Variants in MRTFB observed in about 807,000 individuals in gnomAD.
MRTFB encodes the protein myocardin-related transcription factor B.
A neutral mutation model predicts 104.2 loss-of-function variants in MRTFB; 29 were observed. That is an observed-to-expected ratio of 0.28 (90% confidence interval 0.21 to 0.38). The LOEUF is 0.38. Ranked by LOEUF, MRTFB falls within the 10% of genes least tolerant of loss-of-function variation. MRTFB has a pLI of 1.00. For synonymous variants in MRTFB, 535 were observed against 519.5 expected, an observed-to-expected ratio of 1.03 and a Z score of -0.41; for missense variants, 1,270 against 1,341.6, an observed-to-expected ratio of 0.95 and a Z score of 0.83.
intron 3 of MRTFB, among the ~76,000 whole-genome samples, chr16:14,147,878 G>T (rs570972575): frequency 2.6e-5 from 4 of 152,146 alleles, no homozygotes; most frequent in African/African-American, 9.7e-5. Context: ...GATTTAAAAC[G>T]TAATAGTAAT....
At chr16:14,178,573 A>C (rs1012184969) in intron 3 of MRTFB, among the ~76,000 whole-genome samples, 1 of 152,230 alleles carries the variant, frequency 6.6e-6, no homozygotes, top group African/African-American at 2.4e-5. Flanking sequence ...GCAAATGCTT[A>C]ATTCCCACTT....
chr16:14,066,956 C>T, upstream of MRTFB, among the ~76,000 whole-genome samples: 1 of 148,546 alleles, frequency 6.7e-6, no homozygotes, highest in South Asian at 2.1e-4. Flanking sequence ...CAGGAGTGGG[C>T]CACCATGCCT....
At chr16:14,031,354 A>G in the MRTFB span, among the ~76,000 whole-genome samples, 1 of 151,610 alleles carries the variant, frequency 6.6e-6, no homozygotes, top group African/African-American at 2.4e-5. Context: ...AGATTGTGCC[A>G]CTGCGCCCCA....
At chr16:14,035,472 T>C in the MRTFB span, among the ~76,000 whole-genome samples, 2 of 152,330 alleles carry the variant, frequency 1.3e-5, no homozygotes, top group East Asian at 3.9e-4. Flanking sequence ...TGGCTTTTGA[T>C]AGGAGTAGAG....
At chr16:14,168,477 A>T (rs1170523371) in intron 3 of MRTFB, among the ~76,000 whole-genome samples, 1 of 152,214 alleles carries the variant, frequency 6.6e-6, no homozygotes, top group Non-Finnish European at 1.5e-5. Context: ...TTCAAGTTTC[A>T]TATGAATGGA....
intron 2 of MRTFB, among the ~76,000 whole-genome samples, chr16:14,107,561 G>A (rs1452732680): frequency 6.6e-6 from 1 of 152,186 alleles, no homozygotes; most frequent in Non-Finnish European, 1.5e-5. Context: ...GAAGAGGGGT[G>A]AATGTACTAG....
intron 2 of MRTFB, among the ~76,000 whole-genome samples, chr16:14,132,241 G>A (rs2037477277): frequency 6.6e-6 from 1 of 151,834 alleles, no homozygotes; most frequent in African/African-American, 2.4e-5. Flanking sequence ...CATAGAGACA[G>A]AAAGTAGATT....
At chr16:14,250,365 G>A (rs2043204284) in intron 13 of MRTFB, among the ~76,000 whole-genome samples, 1 of 152,192 alleles carries the variant, frequency 6.6e-6, no homozygotes, top group Non-Finnish European at 1.5e-5. Flanking sequence ...ATGAAATACA[G>A]TTACAATATC....
chr16:14,260,815 C>A, intron 16 of MRTFB, 94 bp from the exon 17 acceptor site: 1 of 1,039,524 alleles, frequency 9.6e-7, no homozygotes, highest in African/African-American at 1.6e-5. Flanking sequence ...TAGAAGGAAT[C>A]GCATAATAGC....
In MRTFB at chr16:14,252,451, C is replaced by T. The variant is rs748659536; in HGVS notation, c.2652C>T (p.Arg884=). The change falls in exon 15 of 17, where the codon CGC becomes CGT. Residue 884 remains arginine (R), a synonymous_variant. Coordinates refer to ENST00000571589, the MANE Select transcript of MRTFB (RefSeq NM_001308142.2). ...SPVAKTKDPP[R]YEEAIKQTRS... The stretch of plus-strand genomic sequence containing the variant: ...TCGCCAAGACAAAAGATCCCCCCCG[C>T]TATGAGGAGGCCATCAAGCAGACAC... 2 of 1,613,810 alleles carry T rather than the reference C, an allele frequency of 1.2e-6. 1 individual carries two copies. Among genetic ancestry groups the T allele is most frequent in the Non-Finnish European group, 1.7e-6 (2 of 1,180,022 alleles).
intron 9 of MRTFB, among the ~76,000 whole-genome samples, chr16:14,237,967 C>T (rs1304791256): frequency 1.3e-5 from 2 of 152,086 alleles, no homozygotes; most frequent in Non-Finnish European, 2.9e-5. Context: ...TTGGTGGTCA[C>T]AAGTTTAAAG....
the MRTFB span, among the ~76,000 whole-genome samples, chr16:14,017,667 T>TGTGTG: frequency 6.1e-5 from 3 of 49,302 alleles, no homozygotes; most frequent in Non-Finnish European, 7.3e-5. Context: ...GTGTGTGTAT[T>TGTGTG]TGTGTGTGTG....
At chr16:14,220,649 A>G (rs1232094516) in intron 8 of MRTFB, among the ~76,000 whole-genome samples, 2 of 152,236 alleles carry the variant, frequency 1.3e-5, no homozygotes, top group Admixed American at 1.3e-4. Context: ...TGGTCTGTTT[A>G]TTCCCAGTGC....
chr16:14,011,807 G>A, the MRTFB span, among the ~76,000 whole-genome samples: 2 of 152,200 alleles, frequency 1.3e-5, no homozygotes, highest in Admixed American at 6.5e-5. Context: ...AGAAGGTGGA[G>A]GTTGCAGTGA....
rs148015509 is a variant in MRTFB at position 14,131,324 on chromosome 16, T to G, written c.-63-9220T>G. 6.0e-3 allele frequency among the ~76,000 whole-genome samples: 915 copies of G among 152,296 alleles called. 10 individuals carry two copies. Among genetic ancestry groups the G allele is most frequent in the African/African-American group, 0.021 (855 of 41,558 alleles). ...TACTTAAGAGAATGTAGTTAAACTG[T>G]TTTTTAGCTAATTTAGGATAGCGTG... On this transcript the variant is annotated intron_variant, in intron 2 of 16. Coordinates refer to ENST00000571589, the MANE Select transcript of MRTFB (RefSeq NM_001308142.2).
At chr16:14,000,185 T>C in the MRTFB span, among the ~76,000 whole-genome samples, 3 of 152,236 alleles carry the variant, frequency 2.0e-5, no homozygotes, top group African/African-American at 7.2e-5. Context: ...CAAGCGCCTG[T>C]AGCAGCACTC....
intron 2 of MRTFB, among the ~76,000 whole-genome samples, chr16:14,105,590 G>T (rs1319142056): frequency 6.6e-6 from 1 of 151,860 alleles, no homozygotes; most frequent in Non-Finnish European, 1.5e-5. Context: ...GTAAAGATAG[G>T]GTCTCACTGT....
intron 13 of MRTFB, 139 bp from the exon 14 acceptor site, chr16:14,251,723 G>A: frequency 1.2e-6 from 1 of 825,714 alleles, no homozygotes; most frequent in South Asian, 1.8e-5. Context: ...GAGGCCAGGT[G>A]ACCCACAAAT....
intron 3 of MRTFB, among the ~76,000 whole-genome samples, chr16:14,188,403 TA>T (rs372967527): frequency 5.3e-5 from 8 of 152,072 alleles, no homozygotes; most frequent in Non-Finnish European, 1.0e-4. Context: ...ACTAGGAAAG[TA>T]GAGGAAAACA....
Sources: allele counts gnomAD v4.1 joint callset (sites outside exome capture counted in the v4.1 genomes callset), GRCh38; gene constraint gnomAD v4.1.1; transcripts MANE v1.5; gene names NCBI Gene and HGNC (gene_info 2026-07-23, HGNC 2026-07-21).